NLGN1: variants seen among roughly 807,000 people sequenced by gnomAD.
NLGN1 encodes neuroligin 1.
NLGN1 carries 12 observed loss-of-function variants against 65.5 expected under a neutral mutation model. That is an observed-to-expected ratio of 0.18 (90% CI 0.12 to 0.30). NLGN1 has a LOEUF of 0.30. Among genes scored for constraint, NLGN1 ranks in the 10% least tolerant of loss-of-function variants. NLGN1 has a pLI of 1.00. For synonymous variants in NLGN1, 350 were observed against 359.5 expected, an observed-to-expected ratio of 0.97 and a Z score of 0.30; for missense variants, 750 against 1,007.1, an observed-to-expected ratio of 0.74 and a Z score of 3.46.
chr3:173,449,506 G>C (rs1451799665), intron 2 of NLGN1, among the ~76,000 whole-genome samples: 1 of 152,314 alleles, frequency 6.6e-6, no homozygotes, highest in Middle Eastern at 3.4e-3. Flanking sequence ...TTTGTAATAG[G>C]TGTGGTGTGG....
intron 4 of NLGN1, among the ~76,000 whole-genome samples, chr3:174,132,620 A>T (rs1438746865): frequency 1.3e-5 from 2 of 152,142 alleles, no homozygotes; most frequent in Non-Finnish European, 2.9e-5. Flanking sequence ...AGTTCAAGGT[A>T]CTCGACTAGT....
chr3:174,185,053 ACAGCCTG>A (rs1731145019), intron 4 of NLGN1, among the ~76,000 whole-genome samples: 3 of 12,202 alleles, frequency 2.5e-4, no homozygotes, highest in Non-Finnish European at 6.5e-4. Flanking sequence ...CTGCAACTGC[ACAGCCTG>A]CACAGTATGC....
rs78641648 is a variant in NLGN1 at position 174,137,449 on chromosome 3, A to C, written c.647-137866A>C. On this transcript the variant is annotated intron_variant, in intron 4 of 6. Coordinates refer to ENST00000457714, the Ensembl canonical transcript of NLGN1. The stretch of plus-strand genomic sequence containing the variant: ...AGACTCTACCTAATTAACTAGCCAT[A>C]TGACCTTGGAAAACTAATGTCAACC... Among the ~76,000 whole-genome samples, 257 of 152,266 alleles carry C rather than the reference A, an allele frequency of 1.7e-3. 6 individuals carry two copies. In the East Asian group the frequency reaches 0.046, roughly 27 times the overall value.
intron 3 of NLGN1, among the ~76,000 whole-genome samples, chr3:173,654,170 AT>A (rs546790710): frequency 6.6e-6 from 1 of 152,134 alleles, no homozygotes; most frequent in South Asian, 2.1e-4. Flanking sequence ...CTTAGGGAGA[AT>A]TAAAACTGGA....
intron 4 of NLGN1, among the ~76,000 whole-genome samples, chr3:173,951,189 G>T (rs1004270085): frequency 6.6e-6 from 1 of 151,924 alleles, no homozygotes; most frequent in Non-Finnish European, 1.5e-5. Context: ...TACAAATAGA[G>T]TTTTAGCACA....
At chr3:173,899,257 G>A (rs1438557566) in intron 4 of NLGN1, among the ~76,000 whole-genome samples, 1 of 152,062 alleles carries the variant, frequency 6.6e-6, no homozygotes, top group African/African-American at 2.4e-5. Context: ...GCATAAATTT[G>A]TTGAACTTGA....
intron 2 of NLGN1, among the ~76,000 whole-genome samples, chr3:173,491,818 TC>T (rs1729217247): frequency 6.6e-6 from 1 of 151,746 alleles, no homozygotes; most frequent in African/African-American, 2.4e-5. Flanking sequence ...CTAATTTAGC[TC>T]CCTATAGAAT....
At chr3:174,007,222 T>C (rs753898067) in intron 4 of NLGN1, among the ~76,000 whole-genome samples, 2 of 152,112 alleles carry the variant, frequency 1.3e-5, no homozygotes, top group Non-Finnish European at 2.9e-5. Context: ...GTCAACACCT[T>C]GATCTAGGAT....
intron 2 of NLGN1, among the ~76,000 whole-genome samples, chr3:173,544,258 A>ACG (rs994150915): frequency 1.7e-5 from 1 of 57,170 alleles, no homozygotes; most frequent in African/African-American, 1.1e-4. Context: ...AGATTATATT[A>ACG]CGTGTGTGTG....
intron 2 of NLGN1, among the ~76,000 whole-genome samples, chr3:173,489,246 C>T (rs1364755082): frequency 6.6e-6 from 1 of 151,986 alleles, no homozygotes; most frequent in Non-Finnish European, 1.5e-5. Flanking sequence ...ACCCCCACCC[C>T]ACAACAGGCC....
At chr3:173,654,838 A>G (rs1365765177) in intron 3 of NLGN1, among the ~76,000 whole-genome samples, 1 of 152,156 alleles carries the variant, frequency 6.6e-6, no homozygotes, top group Non-Finnish European at 1.5e-5. Flanking sequence ...TCCAGTTTGC[A>G]TAGGAGGAAA....
At chr3:174,229,098 T>A (rs910187347) in intron 4 of NLGN1, among the ~76,000 whole-genome samples, 1 of 152,144 alleles carries the variant, frequency 6.6e-6, no homozygotes, top group Non-Finnish European at 1.5e-5. Flanking sequence ...TCTTCACTTC[T>A]CAGTCTTTTA....
chr3:173,969,996 CT>C (rs540513141), intron 4 of NLGN1, among the ~76,000 whole-genome samples: 82 of 151,590 alleles, frequency 5.4e-4, no homozygotes, highest in Non-Finnish European at 1.1e-3. Flanking sequence ...TAAGTGAACT[CT>C]ATACTAGTTC....
At chr3:174,243,799 A>G (rs554491498) in intron 4 of NLGN1, among the ~76,000 whole-genome samples, 13 of 152,196 alleles carry the variant, frequency 8.5e-5, no homozygotes, top group African/African-American at 1.7e-4. Flanking sequence ...AGTATACACA[A>G]TCAACACATG....
At chr3:174,265,148 G>T (rs1011592621) in intron 4 of NLGN1, among the ~76,000 whole-genome samples, 4 of 151,730 alleles carry the variant, frequency 2.6e-5, no homozygotes, top group African/African-American at 9.7e-5. Flanking sequence ...TCTGTGCCCT[G>T]CCCCCAGAGG....
chr3:174,275,256 T>G, intron 4 of NLGN1, 59 bp from the exon 5 acceptor site: 1 of 1,260,528 alleles, frequency 7.9e-7, no homozygotes, highest in Non-Finnish European at 1.2e-6. Context: ...GTGTTTAAAT[T>G]TGATGTCTAT....
intron 3 of NLGN1, among the ~76,000 whole-genome samples, chr3:173,684,633 C>T (rs7653777): frequency 0.014 from 2,206 of 152,192 alleles, 68 homozygotes; most frequent in African/African-American, 0.051. Context: ...GCTCATGTGA[C>T]GTCCAATTTA....
chr3:174,119,052 G>A (rs548959404), intron 4 of NLGN1, among the ~76,000 whole-genome samples: 50 of 152,000 alleles, frequency 3.3e-4, no homozygotes, highest in African/African-American at 7.9e-4. Context: ...TTTTTTCTTC[G>A]TGCATAGAAC....
At chr3:174,004,316 T>C (rs534073070) in intron 4 of NLGN1, among the ~76,000 whole-genome samples, 3 of 152,324 alleles carry the variant, frequency 2.0e-5, no homozygotes, top group East Asian at 3.9e-4. Flanking sequence ...GCTTACACAA[T>C]TGATATTTTG....
Sources: allele counts gnomAD v4.1 joint callset (sites outside exome capture counted in the v4.1 genomes callset), GRCh38; gene constraint gnomAD v4.1.1; transcripts MANE v1.5; gene names NCBI Gene and HGNC (gene_info 2026-07-23, HGNC 2026-07-21).